The following TMOD1 variants were observed in gnomAD, a reference collection of about 807,000 sequenced individuals.
TMOD1 encodes the protein tropomodulin 1, also known as tropomodulin-1.
TMOD1 carries 17 observed loss-of-function variants against 40.6 expected under a neutral mutation model. The ratio of observed to expected loss-of-function variants is 0.42; its 90% CI spans 0.29 to 0.63. TMOD1 has a LOEUF of 0.63. Among genes scored for constraint, TMOD1 ranks in the 20% least tolerant of loss-of-function variants. TMOD1 has a pLI of 0.22. For missense variants in TMOD1, 391 were observed against 447.6 expected, an observed-to-expected ratio of 0.87 and a Z score of 1.14; for synonymous variants, 181 against 175.0, an observed-to-expected ratio of 1.03 and a Z score of -0.27.
At position 97,599,654 on chromosome 9, in the gene TMOD1, G is replaced by T; in HGVS notation, c.1036G>T (p.Asp346Tyr). Residue 346 changes from aspartate (D) to tyrosine (Y), a missense_variant, in exon 10 of 10, where the codon GAC becomes TAC. Physicochemically the swap from Asp to Tyr is radical, Grantham distance 160. Transcript: ENST00000259365. ...NDLVRKRRLADLTGPIIPKCR... is the reference protein window; with the variant it reads ...NDLVRKRRLAYLTGPIIPKCR... ...TCCAGTGAGGAAGAGGAGGCTTGCGGACCTGACTGGGCCCATCATTCCCAA... is the reference window on the plus strand; with the variant it reads ...TCCAGTGAGGAAGAGGAGGCTTGCGTACCTGACTGGGCCCATCATTCCCAA... 1 of 1,614,174 alleles carries T rather than the reference G, an allele frequency of 6.2e-7. No homozygotes were observed. The highest frequency in any genetic ancestry group is 1.1e-5 in the South Asian group (1 of 91,082).
Position 97,531,039 on chromosome 9 carries a change from C to CG in TMOD1, c.120+6731_120+6732insG, listed in dbSNP as rs557982424. ...CTGACCTTAGGTGATCCACACCCAC[C>CG]CCCCCCACCACCCCTTGGCCTCCCA... On this transcript the variant is annotated intron_variant, in intron 2 of 9. Transcript: ENST00000259365. Among the ~76,000 whole-genome samples, 8 of 138,490 alleles carry CG rather than the reference C, an allele frequency of 5.8e-5. 1 individual carries two copies. The highest frequency in any genetic ancestry group is 4.2e-4 in the East Asian group (2 of 4,762). The allele number at this position is 138,490 out of a possible 152,430, so 90.9% of individuals were successfully genotyped here.
At chr9:97,503,365 G>T (rs1221492708) in intron 1 of TMOD1, among the ~76,000 whole-genome samples, 1 of 152,136 alleles carries the variant, frequency 6.6e-6, no homozygotes, top group Non-Finnish European at 1.5e-5. Context: ...TCATCCTGAA[G>T]TTTCCTTTTT....
intron 8 of TMOD1, among the ~76,000 whole-genome samples, chr9:97,571,287 C>T (rs552296481): frequency 6.6e-6 from 1 of 152,342 alleles, no homozygotes; most frequent in African/African-American, 2.4e-5. Flanking sequence ...CCCCTTCCCT[C>T]CACACACTAT....
chr9:97,554,389 C>T (rs1279468710), intron 4 of TMOD1, among the ~76,000 whole-genome samples: 1 of 152,006 alleles, frequency 6.6e-6, no homozygotes, highest in East Asian at 1.9e-4. Flanking sequence ...CAACCTGTGG[C>T]ACTTGAGGCA....
chr9:97,574,156 G>A (rs1040015499), intron 8 of TMOD1, among the ~76,000 whole-genome samples: 1 of 152,172 alleles, frequency 6.6e-6, no homozygotes, highest in African/African-American at 2.4e-5. Flanking sequence ...TGCACTGTGG[G>A]AGCCCCTTTC....
At chr9:97,509,654 C>A (rs1290256982) in intron 1 of TMOD1, among the ~76,000 whole-genome samples, 4 of 151,810 alleles carry the variant, frequency 2.6e-5, no homozygotes, top group African/African-American at 9.7e-5. Context: ...GCCACCATGC[C>A]CAGCTAATTT....
At chr9:97,568,827 C>T (rs1830773567) in intron 7 of TMOD1, 67 bp from the exon 8 acceptor site, 49 of 1,592,970 alleles carry the variant, frequency 3.1e-5, no homozygotes, top group Non-Finnish European at 3.9e-5. Flanking sequence ...TTAGGATCTA[C>T]CCAGAGGGGC....
At position 97,599,690 on chromosome 9, in the gene TMOD1, G is replaced by A. The variant is rs1388319687; in HGVS notation, c.1072G>A (p.Gly358Ser). 1 of 1,614,136 alleles carries A rather than the reference G, an allele frequency of 6.2e-7. No homozygotes were observed. Among genetic ancestry groups the A allele is most frequent in the South Asian group, 1.1e-5 (1 of 91,078 alleles). The change falls in exon 10 of 10, where the codon GGT (glycine) becomes AGT (serine). Residue 358 changes from glycine (G) to serine (S), a missense_variant. Coordinates refer to ENST00000259365, the MANE Select transcript of TMOD1 (RefSeq NM_003275.4). ...GCCCATCATTCCCAAGTGCCGGAGT[G>A]GTGTCTAGTGTGTGGCGGTGGAGTC... The part of the protein sequence containing the change: ...TGPIIPKCRS[G>S]V
At chr9:97,529,110 T>A (rs750129904) in intron 2 of TMOD1, among the ~76,000 whole-genome samples, 3 of 152,196 alleles carry the variant, frequency 2.0e-5, no homozygotes, top group Non-Finnish European at 4.4e-5. Context: ...CTCCAAGGCC[T>A]CATGGGAGTG....
At chr9:97,542,244 C>T (rs900598768) in intron 2 of TMOD1, among the ~76,000 whole-genome samples, 7 of 152,156 alleles carry the variant, frequency 4.6e-5, no homozygotes, top group Non-Finnish European at 8.8e-5. Context: ...GTTTTACTGA[C>T]AATCATGTGA....
intron 9 of TMOD1, among the ~76,000 whole-genome samples, chr9:97,596,768 T>C (rs1355779805): frequency 6.6e-6 from 1 of 152,208 alleles, no homozygotes; most frequent in African/African-American, 2.4e-5. Context: ...AGAGGGTCTT[T>C]ACTCCCAATG....
chr9:97,555,747 C>T, intron 4 of TMOD1: 1 of 1,421,530 alleles, frequency 7.0e-7, no homozygotes, highest in Non-Finnish European at 9.7e-7. Flanking sequence ...CATTTATTGA[C>T]CAAAACAATC....
chr9:97,534,458 C>T (rs1307064740), intron 2 of TMOD1, among the ~76,000 whole-genome samples: 1 of 152,240 alleles, frequency 6.6e-6, no homozygotes, highest in Admixed American at 6.5e-5. Context: ...TGGTCTCATC[C>T]TAGACACTCC....
intron 2 of TMOD1, among the ~76,000 whole-genome samples, chr9:97,534,704 T>C (rs1046720229): frequency 6.6e-6 from 1 of 152,106 alleles, no homozygotes; most frequent in African/African-American, 2.4e-5. Flanking sequence ...TTAAGATATA[T>C]CCCAGCTGGC....
chr9:97,556,183 A>G (rs1006057397), intron 4 of TMOD1, among the ~76,000 whole-genome samples: 2 of 150,086 alleles, frequency 1.3e-5, no homozygotes, highest in African/African-American at 4.8e-5. Context: ...GTGAGATTGC[A>G]TCTGAGATGC....
intron 1 of TMOD1, chr9:97,517,811 G>C (rs1263811026): frequency 6.5e-6 from 1 of 152,740 alleles, no homozygotes; most frequent in African/African-American, 2.4e-5. Flanking sequence ...AGCTCATTAA[G>C]GTCCCTTAGG....
intron 4 of TMOD1, among the ~76,000 whole-genome samples, chr9:97,554,976 C>G (rs1322751279): frequency 1.1e-5 from 1 of 90,792 alleles, no homozygotes; most frequent in Non-Finnish European, 2.5e-5. Flanking sequence ...TGTGTAGATC[C>G]CAAGTCCAGA....
At chr9:97,541,434 T>C (rs976126138) in intron 2 of TMOD1, among the ~76,000 whole-genome samples, 3 of 151,336 alleles carry the variant, frequency 2.0e-5, no homozygotes, top group African/African-American at 7.3e-5. Flanking sequence ...GTGATCTGCC[T>C]GCTTCAGCCT....
intron 8 of TMOD1, among the ~76,000 whole-genome samples, chr9:97,574,084 C>T (rs1587952115): frequency 6.6e-6 from 1 of 152,212 alleles, no homozygotes; most frequent in Non-Finnish European, 1.5e-5. Context: ...CCCTCGCTCT[C>T]GGCGCCTCCT....
Sources: gnomAD v4.1 joint callset for allele counts (sites outside exome capture counted in the v4.1 genomes callset) on GRCh38, gnomAD v4.1.1 for gene constraint, MANE v1.5 for transcripts, NCBI Gene and HGNC (gene_info 2026-07-23, HGNC 2026-07-21) for gene names.